The following HS6ST3 variants were observed in gnomAD, a reference collection of about 807,000 sequenced individuals.
The protein encoded by HS6ST3 is heparan sulfate 6-O-sulfotransferase 3.
HS6ST3 carries 12 observed loss-of-function variants against 36.7 expected under a neutral mutation model. That is an observed-to-expected ratio of 0.33 (90% CI 0.21 to 0.53). The LOEUF is 0.53. Among genes scored for constraint, HS6ST3 ranks in the 20% least tolerant of loss-of-function variants. HS6ST3 has a pLI of 0.95. For synonymous variants in HS6ST3, 240 were observed against 257.5 expected (o/e 0.93, Z 0.65); for missense variants, 584 against 640.9 (o/e 0.91, Z 0.96).
chr13:96,159,208 C>T (rs1470571343), intron 1 of HS6ST3, among the ~76,000 whole-genome samples: 1 of 151,870 alleles, frequency 6.6e-6, no homozygotes. Context: ...ACGTTTCCCT[C>T]CAAGACAGGA....
intron 1 of HS6ST3, among the ~76,000 whole-genome samples, chr13:96,717,954 C>G (rs1195399041): frequency 6.6e-6 from 1 of 152,172 alleles, no homozygotes; most frequent in East Asian, 1.9e-4. Context: ...AGGACCATTA[C>G]ATTTGACTTT....
intron 1 of HS6ST3, among the ~76,000 whole-genome samples, chr13:96,514,828 A>G (rs1170342681): frequency 6.6e-6 from 1 of 152,210 alleles, no homozygotes; most frequent in Admixed American, 6.5e-5. Context: ...GTTATTCATC[A>G]AACTGTTTGA....
At chr13:96,765,785 T>C (rs1877097726) in intron 1 of HS6ST3, among the ~76,000 whole-genome samples, 1 of 152,126 alleles carries the variant, frequency 6.6e-6, no homozygotes, top group Admixed American at 6.5e-5. Context: ...ATTTTTTTTT[T>C]CTTTTAGGAG....
Position 96,261,482 on chromosome 13 carries a change from C to T in HS6ST3, c.707+169913C>T, listed in dbSNP as rs73549139. 5.2e-3 allele frequency among the ~76,000 whole-genome samples: 793 copies of T among 152,196 alleles called. 10 individuals are homozygous for T. Among genetic ancestry groups the T allele is most frequent in the African/African-American group, 0.018 (749 of 41,530 alleles). On this transcript the variant is annotated intron_variant, in intron 1 of 1. Coordinates refer to ENST00000376705, the MANE Select transcript of HS6ST3 (RefSeq NM_153456.4). ...TGCTTTTAAAATGTTAGTAAACATC[C>T]TTGATGATAGATTTTATTTTCAGTA...
chr13:96,257,491 AC>A (rs980316547), intron 1 of HS6ST3, among the ~76,000 whole-genome samples: 45 of 152,114 alleles, frequency 3.0e-4, no homozygotes, highest in African/African-American at 1.1e-3. Flanking sequence ...TGGGTTTGAA[AC>A]CTTGCTTTAC....
Position 96,406,979 on chromosome 13 carries a change from G to A in HS6ST3, c.707+315410G>A, listed in dbSNP as rs118159215. On this transcript the variant is annotated intron_variant, in intron 1 of 1. Transcript: ENST00000376705. ...ATATAATTTAATGTTTTTAATGGAC[G>A]TTGCATCCTGATGGTCATTCTATAA... is the stretch of plus-strand genomic sequence containing the variant. Among the ~76,000 whole-genome samples, 318 of 152,148 alleles carry A rather than the reference G, an allele frequency of 2.1e-3. 2 individuals are homozygous for A. Among genetic ancestry groups the A allele is most frequent in the Non-Finnish European group, 3.9e-3 (268 of 67,982 alleles).
At chr13:96,173,630 C>T (rs1185197451) in intron 1 of HS6ST3, among the ~76,000 whole-genome samples, 1 of 130,646 alleles carries the variant, frequency 7.7e-6, no homozygotes. Flanking sequence ...GACTTACCTG[C>T]TATAGCAGAC....
intron 1 of HS6ST3, among the ~76,000 whole-genome samples, chr13:96,436,889 T>C (rs930368479): frequency 2.6e-5 from 4 of 152,162 alleles, no homozygotes; most frequent in African/African-American, 7.2e-5. Flanking sequence ...ATAACCCCTG[T>C]AGCAAAAGTG....
chr13:96,250,112 C>T lies in HS6ST3; in HGVS notation c.707+158543C>T, dbSNP rs185017406. On this transcript the variant is annotated intron_variant, in intron 1 of 1. Transcript: ENST00000376705. ...AAACTTTATGTTGTGAATATTTTAC[C>T]GCAATAAATGATTTAAAAATTCTAT... 1.4e-4 allele frequency among the ~76,000 whole-genome samples: 22 copies of T among 152,168 alleles called. No individual in the cohort carries two copies. In the East Asian group the frequency reaches 3.1e-3, roughly 21 times the overall value.
At chr13:96,361,250 A>C (rs1473110677) in intron 1 of HS6ST3, among the ~76,000 whole-genome samples, 1 of 152,184 alleles carries the variant, frequency 6.6e-6, no homozygotes, top group Non-Finnish European at 1.5e-5. Flanking sequence ...GACATGGCTC[A>C]TCCATAGAAG....
At chr13:96,456,684 T>G (rs2055756012) in intron 1 of HS6ST3, among the ~76,000 whole-genome samples, 1 of 152,142 alleles carries the variant, frequency 6.6e-6, no homozygotes, top group African/African-American at 2.4e-5. Context: ...AGAAACATGT[T>G]TCTCCCCAGT....
At chr13:96,549,910 G>A (rs1015290930) in intron 1 of HS6ST3, among the ~76,000 whole-genome samples, 25 of 151,850 alleles carry the variant, frequency 1.6e-4, no homozygotes, top group African/African-American at 4.6e-4. Flanking sequence ...GGCCAACTTC[G>A]GTATTCCCTT....
intron 1 of HS6ST3, among the ~76,000 whole-genome samples, chr13:96,577,793 AC>A (rs2056327250): frequency 6.6e-6 from 1 of 152,228 alleles, no homozygotes; most frequent in Non-Finnish European, 1.5e-5. Flanking sequence ...ACAATGAGAT[AC>A]CATTTCACGC....
At chr13:96,231,981 A>G (rs1052487506) in intron 1 of HS6ST3, among the ~76,000 whole-genome samples, 2 of 152,156 alleles carry the variant, frequency 1.3e-5, no homozygotes, top group African/African-American at 2.4e-5. Context: ...TTCCAGCAGC[A>G]TTTGTCTGCT....
chr13:96,746,381 A>G (rs542205913), intron 1 of HS6ST3, among the ~76,000 whole-genome samples: 33 of 152,192 alleles, frequency 2.2e-4, no homozygotes, highest in Middle Eastern at 6.8e-3. Flanking sequence ...ACATAAAATA[A>G]CAGTTATATT....
At chr13:96,820,447 T>TA (rs1326444832) in intron 1 of HS6ST3, among the ~76,000 whole-genome samples, 4 of 152,220 alleles carry the variant, frequency 2.6e-5, no homozygotes. Flanking sequence ...GAGGCTCTAA[T>TA]AATCATGGAG....
At chr13:96,152,694 G>A (rs533619779) in intron 1 of HS6ST3, among the ~76,000 whole-genome samples, 119 of 151,966 alleles carry the variant, frequency 7.8e-4, no homozygotes, top group African/African-American at 2.6e-3. Context: ...GATTCCCTAT[G>A]CAATCCATTC....
intron 1 of HS6ST3, among the ~76,000 whole-genome samples, chr13:96,550,886 G>C (rs761975662): frequency 1.3e-5 from 2 of 152,122 alleles, no homozygotes; most frequent in Non-Finnish European, 2.9e-5. Context: ...CTCCCAGGGA[G>C]AGTGAGTAGG....
At chr13:96,713,674 C>T (rs528823241) in intron 1 of HS6ST3, among the ~76,000 whole-genome samples, 2 of 152,210 alleles carry the variant, frequency 1.3e-5, no homozygotes, top group South Asian at 2.1e-4. Context: ...TTGGTAGAAG[C>T]AGCCAGACAT....
Sources: gnomAD v4.1 joint callset for allele counts (sites outside exome capture counted in the v4.1 genomes callset) on GRCh38, gnomAD v4.1.1 for gene constraint, MANE v1.5 for transcripts, NCBI Gene and HGNC (gene_info 2026-07-23, HGNC 2026-07-21) for gene names.